LY75: variants seen among roughly 807,000 people sequenced by gnomAD.
LY75 encodes the protein lymphocyte antigen 75.
In LY75, 185 loss-of-function variants were observed where a neutral mutation model predicts 231.7. That is an observed-to-expected ratio of 0.80 (90% CI 0.71 to 0.90). LY75 has a LOEUF of 0.90. Ranked by LOEUF, LY75 falls within the 40% of genes least tolerant of loss-of-function variation. LY75 has a pLI of 0.00. For missense variants in LY75, 1,947 were observed against 2,050.2 expected (o/e 0.95, Z 0.97); for synonymous variants, 668 against 689.0 (o/e 0.97, Z 0.48).
Position 159,854,534 on chromosome 2 carries a change from G to C in LY75, c.2421C>G (p.Asp807Glu), listed in dbSNP as rs3951216. The stretch of plus-strand genomic sequence containing the variant: ...GTGGAGGTCCATGAATTCCAGCACG[G>C]TCTAAAGAAGAAGAAGAAAAAGATT... ...TPKTPDWYNPDRAGIHGPPLI... is the reference protein window; with the variant it reads ...TPKTPDWYNPERAGIHGPPLI... Residue 807 changes from aspartate to glutamate, a missense_variant and splice_region_variant, in exon 18 of 35, where the codon GAC (aspartate) becomes GAG (glutamate). Asp to Glu is a conservative substitution (Grantham distance 45, BLOSUM62 2). Transcript: ENST00000263636. 730,709 of 1,608,480 alleles carry C rather than the reference G, an allele frequency of 0.45. 174,177 individuals are homozygous for C. The highest frequency in any genetic ancestry group is 0.74 in the South Asian group (66,574 of 90,470).
Position 159,849,981 on chromosome 2 carries a change from T to G in LY75, c.3149A>C (p.Asn1050Thr). Residue 1050 changes from asparagine to threonine, a missense_variant and splice_region_variant, in exon 23 of 35, where the codon AAT becomes ACT. By Grantham distance (65) the Asn-to-Thr change is moderately conservative (BLOSUM62 0). Coordinates refer to ENST00000263636, the MANE Select transcript of LY75 (RefSeq NM_002349.4). ...GTATTGGTTTTTAAAAAAACTTACA[T>G]TTTCTGGTATTCTCAGCCTCCCACT... ...LVSGRLRIPENFFEEESRYHC... is the reference protein window; with the variant it reads ...LVSGRLRIPETFFEEESRYHC... 1.9e-6 allele frequency: 3 copies of G among 1,607,938 alleles called. No homozygotes were observed. The highest frequency in any genetic ancestry group is 2.5e-6 in the Non-Finnish European group (3 of 1,178,348).
At chr2:159,813,704 C>T (rs7575950) in intron 31 of LY75, among the ~76,000 whole-genome samples, 56,544 of 151,910 alleles carry the variant, frequency 0.37, 11,307 homozygotes, top group Admixed American at 0.51. Context: ...TATGTCCTCA[C>T]CTCAACTACC....
chr2:159,830,048 G>C (rs935792234), intron 28 of LY75, among the ~76,000 whole-genome samples: 1 of 152,106 alleles, frequency 6.6e-6, no homozygotes, highest in Non-Finnish European at 1.5e-5. Context: ...TAATTCAAGG[G>C]TAGTTAAGTG....
At chr2:159,844,884 C>A (rs1684157084) in intron 23 of LY75, among the ~76,000 whole-genome samples, 1 of 151,076 alleles carries the variant, frequency 6.6e-6, no homozygotes, top group Non-Finnish European at 1.5e-5. Context: ...AGGTAGTGAG[C>A]ACAGTACCCA....
chr2:159,882,135 AGTT>A lies in LY75; in HGVS notation c.1232_1234del (p.Lys411_Leu412delinsIle). On this transcript the variant is annotated inframe_deletion, in exon 7 of 35. Coordinates refer to ENST00000263636, the MANE Select transcript of LY75 (RefSeq NM_002349.4). Reference sequence around the variant, plus strand: ...TTTTAAAAACTTACCCTCATTATGGAGTTTTGTGACAACCACCTCCACATCTGC... The same window carrying A: ...TTTTAAAAACTTACCCTCATTATGGATTGTGACAACCACCTCCACATCTGC... 1 of 1,612,206 alleles carries A rather than the reference AGTT, an allele frequency of 6.2e-7. No individual in the cohort carries two copies. Among genetic ancestry groups the A allele is most frequent in the Non-Finnish European group, 8.5e-7 (1 of 1,179,216 alleles).
At chr2:159,885,452 T>C (rs1233652641) in intron 5 of LY75, 159 bp from the exon 6 acceptor site, 4 of 465,754 alleles carry the variant, frequency 8.6e-6, no homozygotes, top group Non-Finnish European at 1.1e-5. Flanking sequence ...AATGAATAAT[T>C]ATGTGCTTAA....
Position 159,879,312 on chromosome 2 carries a change from T to G in LY75, c.1462A>C (p.Lys488Gln), listed in dbSNP as rs759753384. The G allele has an allele frequency of 1.9e-6, 3 of 1,613,846 alleles. No individual in the cohort carries two copies. Among genetic ancestry groups the G allele is most frequent in the South Asian group, 1.1e-5 (1 of 91,070 alleles). ...CTTGCGTCATTCAGTTTTTCTCCCT[T>G]TCTCTTGCATACATATTTTAGTTTC... The part of the protein sequence containing the change: ...EEKLKYVCKR[K>Q]GEKLNDASSD... Residue 488 changes from lysine to glutamine, a missense_variant, in exon 9 of 35, where the codon AAG becomes CAG. By Grantham distance (53) the Lys-to-Gln change is moderately conservative (BLOSUM62 1). Coordinates refer to ENST00000263636, the MANE Select transcript of LY75 (RefSeq NM_002349.4).
chr2:159,814,219 T>G (rs948056916), intron 31 of LY75, among the ~76,000 whole-genome samples: 1 of 152,216 alleles, frequency 6.6e-6, no homozygotes, highest in African/African-American at 2.4e-5. Context: ...TCAAGGTTCA[T>G]GCTTTATCCA....
chr2:159,859,963 T>A (rs1684656136), intron 15 of LY75, among the ~76,000 whole-genome samples: 1 of 152,234 alleles, frequency 6.6e-6, no homozygotes, highest in African/African-American at 2.4e-5. Flanking sequence ...ATAAAACTTG[T>A]ATTTCGCATG....
In LY75 at chr2:159,805,093, G is replaced by A. The variant is rs768824949; in HGVS notation, c.5120C>T (p.Ala1707Val). ...AATCTCATCTTCATTCACTCCTTGT[G>A]CATATCGAACTGATGAGAAACCCGC... The part of the protein sequence containing the change: ...HLAGFSSVRY[A>V]QGVNEDEIML... The change falls in exon 35 of 35, where the codon GCA (alanine) becomes GTA (valine). Residue 1707 changes from alanine (A) to valine (V), a missense_variant. Physicochemically the swap from Ala to Val is moderately conservative, Grantham distance 64. Transcript: ENST00000263636. The A allele has an allele frequency of 3.1e-6, 5 of 1,614,108 alleles. No individual in the cohort carries two copies. The Middle Eastern group carries it at 6.6e-4, about 213-fold the overall frequency.
intron 13 of LY75, among the ~76,000 whole-genome samples, chr2:159,870,628 C>T (rs1225362101): frequency 6.6e-6 from 1 of 151,926 alleles, no homozygotes; most frequent in African/African-American, 2.4e-5. Context: ...ACTCAGCCTC[C>T]TGAGTAACCA....
chr2:159,809,967 C>T (rs979470960), intron 32 of LY75, among the ~76,000 whole-genome samples: 6 of 151,250 alleles, frequency 4.0e-5, no homozygotes, highest in East Asian at 2.0e-4. Context: ...CGTGAGCCAC[C>T]GCACCCAGCC....
chr2:159,811,652 T>C (rs148742528), intron 31 of LY75, among the ~76,000 whole-genome samples: 160 of 152,336 alleles, frequency 1.1e-3, no homozygotes, highest in African/African-American at 3.6e-3. Context: ...GCAGAGTCCT[T>C]ATTTGTGGTC....
At position 159,883,168 on chromosome 2, in the gene LY75, T is replaced by C. The variant is rs558841237; in HGVS notation, c.1055-853A>G. ...AGGGGGGAGGGATAGCATTGGGAGA[T>C]ATACCTAATGCTAGATGACGAGTTA... On this transcript the variant is annotated intron_variant, in intron 6 of 34. Coordinates refer to ENST00000263636, the MANE Select transcript of LY75 (RefSeq NM_002349.4). Among the ~76,000 whole-genome samples the C allele has an allele frequency of 2.4e-3, 354 of 148,922 alleles. 1 individual carries two copies. The highest frequency in any genetic ancestry group is 8.2e-3 in the African/African-American group (333 of 40,416).
rs1682749661 is a variant in LY75 at position 159,804,931 on chromosome 2, A to C, written c.*113T>G. 1 of 780,252 alleles carries C rather than the reference A, an allele frequency of 1.3e-6. No individual in the cohort carries two copies. Among genetic ancestry groups the C allele is most frequent in the Non-Finnish European group, 2.0e-6 (1 of 496,404 alleles). The allele number at this position is 780,252 out of a possible 1,614,324, so 48.3% of individuals were successfully genotyped here. A position where few individuals can be genotyped will look rare whatever the true frequency, so the allele number is the denominator to read the frequency against. On this transcript the variant is annotated 3_prime_UTR_variant, in exon 35 of 35. Transcript: ENST00000263636. ...CACATGCCTAAGATCTAAACAACTGAAAAAGTATTTAAGAGTTCTACTTTG... is the reference window on the plus strand; with the variant it reads ...CACATGCCTAAGATCTAAACAACTGCAAAAGTATTTAAGAGTTCTACTTTG...
chr2:159,810,403 T>C (rs2125827672), intron 32 of LY75, 123 bp downstream of exon 32: 1 of 1,321,500 alleles, frequency 7.6e-7, no homozygotes, highest in African/African-American at 1.5e-5. Flanking sequence ...TTTATAGCGC[T>C]ATTAGAAATG....
chr2:159,821,048 C>T (rs62175229), intron 28 of LY75, among the ~76,000 whole-genome samples: 83,256 of 151,870 alleles, frequency 0.55, 23,138 homozygotes, highest in African/African-American at 0.58. Flanking sequence ...CCCTCTTGGC[C>T]AGGCAGGTCT....
rs748258577 is a variant in LY75 at position 159,894,027 on chromosome 2, A to G, written c.524T>C (p.Ile175Thr). 2.5e-6 allele frequency: 4 copies of G among 1,613,892 alleles called. No homozygotes were observed. Among genetic ancestry groups the G allele is most frequent in the South Asian group, 2.2e-5 (2 of 91,070 alleles). ...YGRPCEFPFLIDGTWHHDCIL... is the reference protein window; with the variant it reads ...YGRPCEFPFLTDGTWHHDCIL... ...GCAATCATGATGCCAGGTCCCATCA[A>G]TTAAGAATGGAAATTCACAAGGTCT... The change falls in exon 3 of 35, where the codon ATT (isoleucine) becomes ACT (threonine). Residue 175 changes from isoleucine (I) to threonine (T), a missense_variant. By Grantham distance (89) the Ile-to-Thr change is moderately conservative. Coordinates refer to ENST00000263636, the MANE Select transcript of LY75 (RefSeq NM_002349.4).
chr2:159,898,872 C>T lies in LY75; in HGVS notation c.282G>A (p.Glu94=). The T allele has an allele frequency of 1.2e-6, 2 of 1,614,218 alleles. No homozygotes were observed. Among genetic ancestry groups the T allele is most frequent in the Non-Finnish European group, 1.7e-6 (2 of 1,180,038 alleles). The change falls in exon 2 of 35, where the codon GAG becomes GAA. Residue 94 remains glutamate, a synonymous_variant. Coordinates refer to ENST00000263636, the MANE Select transcript of LY75 (RefSeq NM_002349.4). The part of the protein sequence containing the change: ...LGLDITKSVN[E]LRMFSCDSSA... ...TGGAGTCACAGCTGAACATTCTCAG[C>T]TCATTTACCGATTTGGTAATATCGA...
Sources: gnomAD v4.1 joint callset for allele counts (sites outside exome capture counted in the v4.1 genomes callset) on GRCh38, gnomAD v4.1.1 for gene constraint, MANE v1.5 for transcripts, NCBI Gene and HGNC (gene_info 2026-07-23, HGNC 2026-07-21) for gene names.